LARGE1: variants seen among roughly 807,000 people sequenced by gnomAD.
LARGE1 encodes LARGE xylosyl- and glucuronyltransferase 1.
In LARGE1, 43 loss-of-function variants were observed where a neutral mutation model predicts 87.6. The ratio of observed to expected loss-of-function variants is 0.49; its 90% CI spans 0.38 to 0.63. The LOEUF (loss-of-function observed/expected upper bound fraction) is 0.63. LARGE1 is among the 30% of genes least tolerant of loss of function. The pLI, the probability that LARGE1 is intolerant of heterozygous loss-of-function variation, is 0.00. For missense variants in LARGE1, 802 were observed against 1,000.2 expected (o/e 0.80, Z 2.67); for synonymous variants, 434 against 394.6 (o/e 1.10, Z -1.18).
At chr22:33,087,876 G>C in the LARGE1 span, among the ~76,000 whole-genome samples, 2 of 152,212 alleles carry the variant, frequency 1.3e-5, no homozygotes, top group Non-Finnish European at 2.9e-5. Context: ...GGAAGTTGCA[G>C]TGAGCCCAGA....
chr22:33,917,888 A>G (rs1350879675), intron 1 of LARGE1, among the ~76,000 whole-genome samples: 1 of 152,114 alleles, frequency 6.6e-6, no homozygotes, highest in South Asian at 2.1e-4. Context: ...AACCCTCAAC[A>G]TAAACCACAG....
At chr22:33,705,101 T>C (rs952209843) in intron 2 of LARGE1, among the ~76,000 whole-genome samples, 1 of 152,070 alleles carries the variant, frequency 6.6e-6, no homozygotes, top group Admixed American at 6.5e-5. Flanking sequence ...CCCCATAAAT[T>C]AGAAAGCTAC....
At chr22:33,483,200 G>C (rs1478056589) in intron 6 of LARGE1, among the ~76,000 whole-genome samples, 1 of 152,138 alleles carries the variant, frequency 6.6e-6, no homozygotes. Flanking sequence ...GGGTTACATA[G>C]CATCATCCGG....
intron 1 of LARGE1, among the ~76,000 whole-genome samples, chr22:33,784,068 C>A (rs2085519587): frequency 6.6e-6 from 1 of 152,172 alleles, no homozygotes. Flanking sequence ...TCAGAGACCT[C>A]CTCTTTGGTA....
At chr22:33,615,182 G>A (rs1386685013) in intron 4 of LARGE1, among the ~76,000 whole-genome samples, 1 of 152,042 alleles carries the variant, frequency 6.6e-6, no homozygotes, top group African/African-American at 2.4e-5. Flanking sequence ...ATTTTGTTAA[G>A]AATCTTATAC....
intron 1 of LARGE1, among the ~76,000 whole-genome samples, chr22:33,841,581 C>A (rs2063283533): frequency 6.6e-6 from 1 of 152,206 alleles, no homozygotes; most frequent in Non-Finnish European, 1.5e-5. Context: ...TCTCAACAGC[C>A]CCAACAAAAG....
chr22:33,846,758 A>T (rs967315035), intron 1 of LARGE1, among the ~76,000 whole-genome samples: 2 of 151,942 alleles, frequency 1.3e-5, no homozygotes, highest in Non-Finnish European at 2.9e-5. Flanking sequence ...GGTGAAATAG[A>T]CTCCAGTCTC....
intron 6 of LARGE1, among the ~76,000 whole-genome samples, chr22:33,539,129 A>G (rs1277874180): frequency 6.6e-6 from 1 of 152,194 alleles, no homozygotes; most frequent in Non-Finnish European, 1.5e-5. Context: ...ACATACACAC[A>G]TATGTCTTTT....
intron 2 of LARGE1, among the ~76,000 whole-genome samples, chr22:33,684,385 C>T (rs1395582685): frequency 6.6e-6 from 1 of 151,660 alleles, no homozygotes; most frequent in Non-Finnish European, 1.5e-5. Flanking sequence ...TGATTTATAC[C>T]CTTCGCACCC....
chr22:33,440,744 T>C (rs970156461), intron 6 of LARGE1, among the ~76,000 whole-genome samples: 3 of 152,214 alleles, frequency 2.0e-5, no homozygotes, highest in Middle Eastern at 3.2e-3. Flanking sequence ...CCTGAGAAGA[T>C]GCACACAGAA....
chr22:33,498,530 A>G (rs1344131426), intron 6 of LARGE1, among the ~76,000 whole-genome samples: 3 of 152,320 alleles, frequency 2.0e-5, no homozygotes, highest in African/African-American at 7.2e-5. Flanking sequence ...CAGATCCTAC[A>G]ACATACTCTT....
At chr22:33,432,763 C>T (rs1046565231) in intron 6 of LARGE1, among the ~76,000 whole-genome samples, 4 of 152,184 alleles carry the variant, frequency 2.6e-5, no homozygotes, top group Admixed American at 6.5e-5. Flanking sequence ...GAGGGATTAC[C>T]CTTGTTTGCT....
chr22:33,888,930 A>T (rs956286121), intron 1 of LARGE1, among the ~76,000 whole-genome samples: 1 of 152,182 alleles, frequency 6.6e-6, no homozygotes, highest in Non-Finnish European at 1.5e-5. Flanking sequence ...CTCCCTTTAG[A>T]GATGAAGAGA....
chr22:33,804,236 C>A (rs1046906574), intron 1 of LARGE1, among the ~76,000 whole-genome samples: 1 of 152,166 alleles, frequency 6.6e-6, no homozygotes, highest in African/African-American at 2.4e-5. Flanking sequence ...TGGGAATTGC[C>A]TTTAGAGCCC....
intron 1 of LARGE1, among the ~76,000 whole-genome samples, chr22:33,765,608 G>C (rs1426355833): frequency 1.3e-5 from 2 of 150,358 alleles, no homozygotes; most frequent in Admixed American, 6.7e-5. Context: ...GGGAGGCTGA[G>C]GCAGGAGAAT....
At chr22:33,547,427 G>C (rs768880541) in intron 6 of LARGE1, among the ~76,000 whole-genome samples, 2 of 152,156 alleles carry the variant, frequency 1.3e-5, no homozygotes, top group Non-Finnish European at 2.9e-5. Flanking sequence ...ATGCTTGCTC[G>C]CCTGGTTCCT....
chr22:33,283,876 G>A (rs929505813), intron 12 of LARGE1, among the ~76,000 whole-genome samples: 5 of 149,598 alleles, frequency 3.3e-5, no homozygotes, highest in South Asian at 4.3e-4. Flanking sequence ...AAAAAAGAAG[G>A]AAAAGAAAGA....
rs553552752 is a variant in LARGE1 at position 33,697,000 on chromosome 22, A to G, written c.107-46332T>C. On this transcript the variant is annotated intron_variant, in intron 2 of 14. Coordinates refer to ENST00000397394, the MANE Select transcript of LARGE1 (RefSeq NM_133642.5). ...TTCCCTTACATACATCAAAAGCCAC[A>G]TTAGACATTTTCCAAACTCCTTTAC... 4.8e-4 allele frequency among the ~76,000 whole-genome samples: 73 copies of G among 152,210 alleles called. 2 individuals carry two copies. In the South Asian group the frequency reaches 8.9e-3, roughly 19 times the overall value.
chr22:33,721,855 T>C (rs189097528), intron 2 of LARGE1, among the ~76,000 whole-genome samples: 2 of 152,326 alleles, frequency 1.3e-5, no homozygotes, highest in East Asian at 1.9e-4. Flanking sequence ...ACAACCCCCA[T>C]ACTGTTTTGT....
Sources: allele counts gnomAD v4.1 joint callset (sites outside exome capture counted in the v4.1 genomes callset), GRCh38; gene constraint gnomAD v4.1.1; transcripts MANE v1.5; gene names NCBI Gene and HGNC (gene_info 2026-07-23, HGNC 2026-07-21).